The following MSN variants were observed in gnomAD, a reference collection of about 807,000 sequenced individuals.
MSN encodes the protein moesin.
In MSN, 2 loss-of-function variants were observed where a neutral mutation model predicts 48.0. The ratio of observed to expected loss-of-function variants is 0.04; its 90% CI spans 0.02 to 0.13. The LOEUF is 0.13. Among genes scored for constraint, MSN ranks in the 10% least tolerant of loss-of-function variants. MSN has a pLI of 1.00. For synonymous variants in MSN, 146 were observed against 166.9 expected (o/e 0.87, Z 0.97); for missense variants, 267 against 470.1 (o/e 0.57, Z 3.99).
chrX:65,728,969 G>C (rs916877253), intron 3 of MSN, among the ~76,000 whole-genome samples: 5 of 111,824 alleles, frequency 4.5e-5, no homozygotes, highest in African/African-American at 1.6e-4. Flanking sequence ...TCTTTTGCTG[G>C]ACAAGTGTGG....
At chrX:65,643,217 T>C (rs896510993) in intron 1 of MSN, among the ~76,000 whole-genome samples, 1 of 111,784 alleles carries the variant, frequency 8.9e-6, no homozygotes, top group African/African-American at 3.3e-5. Context: ...ATTAGTGCTT[T>C]GTACTTTGAA....
chrX:65,714,710 T>C (rs2071446361), intron 1 of MSN, among the ~76,000 whole-genome samples: 1 of 111,881 alleles, frequency 8.9e-6, no homozygotes, highest in Admixed American at 9.5e-5. Flanking sequence ...TGCTGGATAT[T>C]AGACCTTTGT....
intron 1 of MSN, among the ~76,000 whole-genome samples, chrX:65,623,812 C>CAA (rs756007367): frequency 4.9e-5 from 4 of 81,488 alleles, no homozygotes; most frequent in Non-Finnish European, 1.0e-4. Flanking sequence ...AACTCCGTCT[C>CAA]AAAAAAAAAA....
At chrX:65,639,266 T>A (rs1273089285) in intron 1 of MSN, among the ~76,000 whole-genome samples, 1 of 110,689 alleles carries the variant, frequency 9.0e-6, no homozygotes, top group South Asian at 3.9e-4. Context: ...GCCTCAGCCT[T>A]CTGAGTAGCT....
intron 1 of MSN, among the ~76,000 whole-genome samples, chrX:65,610,629 A>T (rs1385988155): frequency 8.9e-6 from 1 of 111,843 alleles, no homozygotes; most frequent in African/African-American, 3.3e-5. Flanking sequence ...CAAGGAGTGG[A>T]ATTGCTGGGT....
intron 1 of MSN, among the ~76,000 whole-genome samples, chrX:65,641,107 T>TATAA (rs1407779124): frequency 9.0e-6 from 1 of 111,245 alleles, no homozygotes. Flanking sequence ...AGAATCTGTC[T>TATAA]ATAAATAAAT....
Position 65,600,166 on chromosome X carries a change from C to T in MSN, c.-22+11554C>T, listed in dbSNP as rs999238999. On this transcript the variant is annotated intron_variant, in intron 1 of 3. Transcript: ENST00000609672. ...GAGAGATGAGCAGAGGGCCAAAAAG[C>T]AGCCACCCAAAATTCCAGACAGGTA... Among the ~76,000 whole-genome samples the T allele has an allele frequency of 2.7e-5, 3 of 111,079 alleles. No individual in the cohort carries two copies. The Admixed American group carries it at 2.9e-4, about 11-fold the overall frequency.
At chrX:65,614,322 TC>T (rs954474411) in intron 1 of MSN, among the ~76,000 whole-genome samples, 3 of 112,181 alleles carry the variant, frequency 2.7e-5, no homozygotes, top group East Asian at 5.5e-4. Context: ...CCAGCTTTGT[TC>T]TTTTTGCTTA....
At chrX:65,713,307 C>T (rs1171414921) in intron 1 of MSN, among the ~76,000 whole-genome samples, 1 of 111,810 alleles carries the variant, frequency 8.9e-6, no homozygotes, top group Non-Finnish European at 1.9e-5. Flanking sequence ...TGTCCTCCCA[C>T]TGAGTTGGCT....
chrX:65,637,598 C>T (rs1244009208), intron 1 of MSN, among the ~76,000 whole-genome samples: 3 of 110,832 alleles, frequency 2.7e-5, no homozygotes, highest in Non-Finnish European at 5.7e-5. Flanking sequence ...ATGAGCTCCA[C>T]CTTAGAACCT....
At chrX:65,710,444 T>A (rs2071402368) in intron 1 of MSN, among the ~76,000 whole-genome samples, 3 of 110,978 alleles carry the variant, frequency 2.7e-5, no homozygotes, top group African/African-American at 9.9e-5. Flanking sequence ...CTCTATGGGG[T>A]CCATGGACAG....
upstream of MSN, among the ~76,000 whole-genome samples, chrX:65,663,993 G>A (rs1166131480): frequency 9.4e-6 from 1 of 106,781 alleles, no homozygotes; most frequent in African/African-American, 3.4e-5. Context: ...CCGGGAGGCG[G>A]AGCTTGAAGT....
intron 1 of MSN, among the ~76,000 whole-genome samples, chrX:65,659,732 C>T (rs928974465): frequency 9.0e-6 from 1 of 111,707 alleles, no homozygotes; most frequent in African/African-American, 3.3e-5. Context: ...AAAGACTTGC[C>T]TGTCTCCCTT....
intron 2 of MSN, among the ~76,000 whole-genome samples, chrX:65,718,430 A>G (rs1340440219): frequency 8.9e-6 from 1 of 112,243 alleles, no homozygotes; most frequent in Non-Finnish European, 1.9e-5. Context: ...GAAAACACAA[A>G]TAGGAAAGAA....
chrX:65,659,249 G>C (rs1420351650), intron 1 of MSN, among the ~76,000 whole-genome samples: 2 of 110,376 alleles, frequency 1.8e-5, no homozygotes. Flanking sequence ...TGCCTCCCAG[G>C]TTCAAGCAAT....
intron 1 of MSN, among the ~76,000 whole-genome samples, chrX:65,623,196 G>A (rs1230338536): frequency 1.8e-5 from 2 of 109,264 alleles, no homozygotes; most frequent in African/African-American, 6.9e-5. Context: ...ATTCATAAGG[G>A]AGTTTAGTCT....
chrX:65,707,490 A>T (rs1009267810), intron 1 of MSN, among the ~76,000 whole-genome samples: 3 of 111,820 alleles, frequency 2.7e-5, no homozygotes, highest in Non-Finnish European at 5.6e-5. Flanking sequence ...CTGTGCCTAG[A>T]TCCTCAGGGC....
chrX:65,618,928 G>T (rs1279975971), intron 1 of MSN, among the ~76,000 whole-genome samples: 1 of 109,017 alleles, frequency 9.2e-6, no homozygotes, highest in Non-Finnish European at 1.9e-5. Flanking sequence ...CTCAGCATTT[G>T]CTTGTCTATA....
chrX:65,695,976 C>G (rs1411352599), intron 1 of MSN, among the ~76,000 whole-genome samples: 1 of 111,124 alleles, frequency 9.0e-6, no homozygotes, highest in Non-Finnish European at 1.9e-5. Flanking sequence ...TCCCTTTAAT[C>G]TTTTTCTTGT....
Sources: allele counts gnomAD v4.1 joint callset (sites outside exome capture counted in the v4.1 genomes callset), GRCh38; gene constraint gnomAD v4.1.1; transcripts MANE v1.5; gene names NCBI Gene and HGNC (gene_info 2026-07-23, HGNC 2026-07-21).